AFG3L2: variants seen among roughly 807,000 people sequenced by gnomAD.
AFG3L2 encodes the protein mitochondrial inner membrane m-AAA protease component AFG3L2.
AFG3L2 carries 54 observed loss-of-function variants against 94.5 expected under a neutral mutation model. The ratio of observed to expected loss-of-function variants is 0.57; its 90% CI spans 0.46 to 0.72. AFG3L2 has a LOEUF of 0.72. Among genes scored for constraint, AFG3L2 ranks in the 30% least tolerant of loss-of-function variants. The probability of loss-of-function intolerance (pLI) is 0.00; values close to 1 mark genes in which losing one functional copy is unlikely to be tolerated. For missense variants in AFG3L2, 754 were observed against 994.9 expected (o/e 0.76, Z 3.26); for synonymous variants, 377 against 365.5 (o/e 1.03, Z -0.36).
intron 1 of AFG3L2, among the ~76,000 whole-genome samples, chr18:12,373,572 G>A (rs1031589811): frequency 2.0e-5 from 3 of 152,124 alleles, no homozygotes; most frequent in Non-Finnish European, 2.9e-5. Flanking sequence ...TTTCTGTTCC[G>A]CTATAACAGA....
chr18:12,363,916 T>A, intron 5 of AFG3L2, 60 bp from the exon 6 acceptor site: 2 of 1,266,024 alleles, frequency 1.6e-6, no homozygotes, highest in Admixed American at 3.4e-5. Context: ...GATACTCTTT[T>A]AAGCTCATTT....
At chr18:12,340,464 T>TG in intron 14 of AFG3L2, 63 bp from the exon 15 acceptor site, 2 of 1,284,770 alleles carry the variant, frequency 1.6e-6, no homozygotes, top group Non-Finnish European at 2.3e-6. Context: ...AAAACATCTG[T>TG]GTATAAACAG....
At chr18:12,339,465 T>C (rs1050651952) in intron 15 of AFG3L2, among the ~76,000 whole-genome samples, 2 of 150,218 alleles carry the variant, frequency 1.3e-5, no homozygotes, top group African/African-American at 4.9e-5. Flanking sequence ...GGCAGGAGAA[T>C]TGCTTGAACC....
At chr18:12,337,672 C>T (rs1907796463) in intron 15 of AFG3L2, 137 bp from the exon 16 acceptor site, 1 of 766,552 alleles carries the variant, frequency 1.3e-6, no homozygotes, top group Non-Finnish European at 2.2e-6. Flanking sequence ...CAGCACAGTG[C>T]TTTAAACTCA....
chr18:12,371,464 C>T lies in AFG3L2; in HGVS notation c.214+128G>A. The T allele has an allele frequency of 1.2e-5, 9 of 759,408 alleles. No individual in the cohort carries two copies. In the South Asian group the frequency reaches 1.2e-4, roughly 10 times the overall value. The allele number at this position is 759,408 out of a possible 1,614,324, so 47.0% of individuals were successfully genotyped here. ...AATTTCATTATCTACAAATGTGTTA[C>T]ATTTGAAGATGACATATCTTCATCG... On this transcript the variant is annotated intron_variant, in intron 2 of 16. Transcript: ENST00000269143.
intron 5 of AFG3L2, 71 bp downstream of exon 5, chr18:12,366,894 C>T: frequency 1.3e-6 from 2 of 1,582,928 alleles, no homozygotes; most frequent in Admixed American, 1.7e-5. Context: ...TGCTGACTGT[C>T]ACTTCTTTGG....
At chr18:12,336,091 ATAGTT>A (rs1309066096) in intron 16 of AFG3L2, among the ~76,000 whole-genome samples, 1 of 152,212 alleles carries the variant, frequency 6.6e-6, no homozygotes, top group Non-Finnish European at 1.5e-5. Flanking sequence ...GGAGGAATTT[ATAGTT>A]TAAATGATAA....
Position 12,360,070 on chromosome 18 carries a change from A to G in AFG3L2, c.628-19T>C. 1.2e-6 allele frequency: 2 copies of G among 1,612,720 alleles called. No individual in the cohort carries two copies. The highest frequency in any genetic ancestry group is 1.7e-6 in the Non-Finnish European group (2 of 1,178,828). On this transcript the variant is annotated intron_variant, in intron 6 of 16. Transcript: ENST00000269143. ...CGTATTGCTATAAAAACAAAAAAAC[A>G]AATATCCTAAGAATGTAGTGAAACT...
At position 12,329,665 on chromosome 18, in the gene AFG3L2, C is replaced by A. The variant is rs775647575; in HGVS notation, c.2294G>T (p.Ser765Ile). The A allele has an allele frequency of 1.2e-6, 2 of 1,614,078 alleles. No individual in the cohort carries two copies. Among genetic ancestry groups the A allele is most frequent in the African/African-American group, 2.7e-5 (2 of 74,920 alleles). Residue 765 changes from serine to isoleucine, a missense_variant, in exon 17 of 17, where the codon AGC becomes ATC. Ser to Ile is a moderately radical substitution (Grantham distance 142, BLOSUM62 -2). Coordinates refer to ENST00000269143, the MANE Select transcript of AFG3L2 (RefSeq NM_006796.3). ...TGGAAGTGAGGTGTCCTCATCCAAG[C>A]TGCCAGTGCCTTCCACAAATTCTTC... ...TYEEFVEGTG[S>I]LDEDTSLPEG...
chr18:12,334,362 G>A (rs1455531087), intron 16 of AFG3L2, among the ~76,000 whole-genome samples: 1 of 152,206 alleles, frequency 6.6e-6, no homozygotes, highest in African/African-American at 2.4e-5. Context: ...ATGGGTGGGA[G>A]AACTGGGGAG....
chr18:12,367,716 A>T (rs958136117), intron 3 of AFG3L2, among the ~76,000 whole-genome samples: 1 of 152,186 alleles, frequency 6.6e-6, no homozygotes, highest in East Asian at 1.9e-4. Context: ...TGAATAAGTC[A>T]CAGAGTTGGG....
chr18:12,351,532 A>G lies in AFG3L2; in HGVS notation c.1319-119T>C, dbSNP rs1296172707. The G allele has an allele frequency of 4.6e-6, 4 of 870,508 alleles. No homozygotes were observed. In the Admixed American group the frequency reaches 8.5e-5, roughly 18 times the overall value. The allele number at this position is 870,508 out of a possible 1,614,324, so 53.9% of individuals were successfully genotyped here. A position where few individuals can be genotyped will look rare whatever the true frequency, so the allele number is the denominator to read the frequency against. On this transcript the variant is annotated intron_variant, in intron 10 of 16. Coordinates refer to ENST00000269143, the MANE Select transcript of AFG3L2 (RefSeq NM_006796.3). Reference sequence around the variant, plus strand: ...GCTACAGTAAACACATTTTCTATTCATTATCTAGTGTTTTTTGTTTTTTTT... The same window carrying G: ...GCTACAGTAAACACATTTTCTATTCGTTATCTAGTGTTTTTTGTTTTTTTT...
chr18:12,355,631 G>A (rs573829881), intron 9 of AFG3L2, among the ~76,000 whole-genome samples: 1 of 152,004 alleles, frequency 6.6e-6, no homozygotes, highest in East Asian at 1.9e-4. Context: ...TCTGTACTAG[G>A]AAATTCCTTT....
At chr18:12,336,999 C>A (rs1322696427) in intron 16 of AFG3L2, 2 of 504,910 alleles carry the variant, frequency 4.0e-6, no homozygotes, top group Non-Finnish European at 6.9e-6. Flanking sequence ...AGGTGAAACA[C>A]AATGGTAAAC....
At chr18:12,357,359 A>C (rs1405563840) in intron 8 of AFG3L2, among the ~76,000 whole-genome samples, 1 of 152,176 alleles carries the variant, frequency 6.6e-6, no homozygotes, top group Non-Finnish European at 1.5e-5. Flanking sequence ...TTTTATTTCC[A>C]CTGACTACCC....
intron 1 of AFG3L2, among the ~76,000 whole-genome samples, chr18:12,373,018 A>G (rs1394722557): frequency 6.6e-6 from 1 of 152,258 alleles, no homozygotes; most frequent in Non-Finnish European, 1.5e-5. Flanking sequence ...CTGTACATTT[A>G]AGATGAACAA....
At chr18:12,354,967 C>T (rs1354553255) in intron 9 of AFG3L2, among the ~76,000 whole-genome samples, 4 of 152,170 alleles carry the variant, frequency 2.6e-5, no homozygotes, top group African/African-American at 9.7e-5. Context: ...GTAATCCCAG[C>T]ACTTTAGGAG....
At chr18:12,340,128 C>T in intron 15 of AFG3L2, 73 bp downstream of exon 15, 1 of 1,336,032 alleles carries the variant, frequency 7.5e-7, no homozygotes, top group Non-Finnish European at 1.1e-6. Context: ...TGTTTCAGAG[C>T]CATTCATAGA....
At chr18:12,342,292 T>A (rs1442143734) in intron 14 of AFG3L2, 1 of 152,228 alleles carries the variant, frequency 6.6e-6, no homozygotes, top group Non-Finnish European at 1.5e-5. Flanking sequence ...CATGGGTGAA[T>A]TTGCATGTCC....
Sources: gnomAD v4.1 joint callset for allele counts (sites outside exome capture counted in the v4.1 genomes callset) on GRCh38, gnomAD v4.1.1 for gene constraint, MANE v1.5 for transcripts, NCBI Gene and HGNC (gene_info 2026-07-23, HGNC 2026-07-21) for gene names.